Variants in AFAP1L2 observed in about 807,000 individuals in gnomAD.
AFAP1L2 encodes the protein actin filament associated protein 1 like 2.
Under a neutral mutation model 99.3 loss-of-function variants are expected in AFAP1L2, and 46 were observed. The ratio of observed to expected loss-of-function variants is 0.46; its 90% confidence interval spans 0.37 to 0.59. The LOEUF is 0.59. Ranked by LOEUF, AFAP1L2 falls within the 20% of genes least tolerant of loss-of-function variation. The pLI is 0.00. For synonymous variants in AFAP1L2, 397 were observed against 419.1 expected (o/e 0.95, Z 0.64); for missense variants, 959 against 1,034.9 (o/e 0.93, Z 1.01).
the AFAP1L2 span, chr10:114,280,872 G>A: frequency 6.6e-6 from 1 of 152,010 alleles, no homozygotes; most frequent in Non-Finnish European, 1.5e-5. Flanking sequence ...CTAAGTAGTT[G>A]GGACTACAGA....
Position 114,295,098 on chromosome 10 carries a change from T to G in AFAP1L2, c.*944A>C, listed in dbSNP as rs2039995978. 2.0e-6 allele frequency: 2 copies of G among 983,988 alleles called. No homozygotes were observed. Among genetic ancestry groups the G allele is most frequent in the African/African-American group, 3.5e-5 (2 of 56,722 alleles). 61.0% of individuals were successfully genotyped at this position (983,988 alleles called of 1,614,324 possible). ...AGCACTGCCAATTTTAAGAGGGCGA[T>G]CACCCTAACCAAAAATCACCACTTT... On this transcript the variant is annotated 3_prime_UTR_variant, in exon 19 of 19. Coordinates refer to ENST00000304129, the MANE Select transcript of AFAP1L2 (RefSeq NM_001001936.3).
intron 1 of AFAP1L2, among the ~76,000 whole-genome samples, chr10:114,361,289 G>C (rs2052373092): frequency 6.6e-6 from 1 of 152,126 alleles, no homozygotes; most frequent in South Asian, 2.1e-4. Context: ...TCTTCTGGTG[G>C]AATCACAGGA....
chr10:114,390,670 G>A (rs547606408), intron 1 of AFAP1L2, among the ~76,000 whole-genome samples: 71 of 143,304 alleles, frequency 5.0e-4, no homozygotes, highest in African/African-American at 1.8e-3. Context: ...GCAGTGACCC[G>A]AGATCACGCC....
chr10:114,333,537 T>TA (rs1447787507), intron 2 of AFAP1L2, among the ~76,000 whole-genome samples: 1 of 152,124 alleles, frequency 6.6e-6, no homozygotes, highest in Non-Finnish European at 1.5e-5. Flanking sequence ...GCAGGTAAGA[T>TA]ACAGAAGGAT....
intron 4 of AFAP1L2, among the ~76,000 whole-genome samples, chr10:114,324,604 G>C (rs964167969): frequency 3.9e-5 from 6 of 152,266 alleles, no homozygotes; most frequent in Non-Finnish European, 7.3e-5. Flanking sequence ...GTTCACAACA[G>C]AAGTGGCAGA....
chr10:114,349,555 G>GAAAAAAAAA (rs200302338), intron 1 of AFAP1L2, among the ~76,000 whole-genome samples: 1 of 123,782 alleles, frequency 8.1e-6, no homozygotes, highest in Non-Finnish European at 1.6e-5. Context: ...TTGTCGCTTG[G>GAAAAAAAAA]AAAAAAAAAA....
chr10:114,404,707 A>G (rs2058563456), upstream of AFAP1L2: 3 of 390,580 alleles, frequency 7.7e-6, no homozygotes, highest in Non-Finnish European at 1.3e-5. Flanking sequence ...TCGGCTCTTG[A>G]GTCGGTGCGC....
At chr10:114,317,216 C>G (rs1266395562) in intron 5 of AFAP1L2, among the ~76,000 whole-genome samples, 1 of 121,826 alleles carries the variant, frequency 8.2e-6, no homozygotes, top group Admixed American at 8.4e-5. Flanking sequence ...TGGGATGAGG[C>G]CTCTGCAATA....
At position 114,395,642 on chromosome 10, in the gene AFAP1L2, A is replaced by G. The variant is rs1360239941; in HGVS notation, c.16+8798T>C. Among the ~76,000 whole-genome samples, 4 of 152,264 alleles carry G rather than the reference A, an allele frequency of 2.6e-5. No homozygotes were observed. The East Asian group carries it at 7.7e-4, about 29-fold the overall frequency. The stretch of plus-strand genomic sequence containing the variant: ...GAAAAAAACGGGGGGTGGAGGATGG[A>G]AGGAAATGGCAGGATTCCCACTTGT... On this transcript the variant is annotated intron_variant, in intron 1 of 18. Transcript: ENST00000304129.
downstream of AFAP1L2, chr10:114,290,029 A>T: frequency 2.0e-6 from 1 of 488,726 alleles, no homozygotes; most frequent in Non-Finnish European, 3.5e-6. Context: ...TGTGTATGGC[A>T]CGTCTGAGCA....
chr10:114,346,336 G>A (rs543985733), intron 1 of AFAP1L2, among the ~76,000 whole-genome samples: 1 of 152,294 alleles, frequency 6.6e-6, no homozygotes, highest in Non-Finnish European at 1.5e-5. Context: ...GTCTGGGTGT[G>A]TGTCTATCTC....
intron 6 of AFAP1L2, among the ~76,000 whole-genome samples, chr10:114,315,063 C>A (rs12777027): frequency 0.056 from 8,486 of 152,260 alleles, 321 homozygotes; most frequent in Non-Finnish European, 0.085. Flanking sequence ...ATCACTTGAA[C>A]CCAGGAGGTG....
Position 114,333,159 on chromosome 10 carries a change from T to A in AFAP1L2, c.220+62A>T, listed in dbSNP as rs533517670. ...GAAAGAGAGGTGGGACAGAACCAGC[T>A]TGGACCTTCCCCCATCCCAGGAGTG... On this transcript the variant is annotated intron_variant, in intron 3 of 18. Transcript: ENST00000304129. The A allele has an allele frequency of 3.4e-6, 5 of 1,471,750 alleles. No homozygotes were observed. The African/African-American group carries it at 7.0e-5, about 20-fold the overall frequency. 91.2% of individuals were successfully genotyped at this position (1,471,750 alleles called of 1,614,324 possible). A position where few individuals can be genotyped will look rare whatever the true frequency, so the allele number is the denominator to read the frequency against.
intron 1 of AFAP1L2, among the ~76,000 whole-genome samples, chr10:114,389,751 G>C (rs2056917736): frequency 6.6e-6 from 1 of 152,222 alleles, no homozygotes; most frequent in South Asian, 2.1e-4. Context: ...GCAAGCTTTA[G>C]AGTCAAACGT....
intron 1 of AFAP1L2, among the ~76,000 whole-genome samples, chr10:114,382,804 A>G (rs186233502): frequency 5.9e-5 from 9 of 152,038 alleles, no homozygotes; most frequent in African/African-American, 2.2e-4. Context: ...CATGTTGGTT[A>G]GGCTGGTCTC....
chr10:114,282,501 T>G, the AFAP1L2 span: 1 of 1,612,656 alleles, frequency 6.2e-7, no homozygotes, highest in South Asian at 1.1e-5. Context: ...ATAATTCTGT[T>G]TCCTTGGATT....
chr10:114,379,676 G>A (rs1235327307), intron 1 of AFAP1L2, among the ~76,000 whole-genome samples: 3 of 152,172 alleles, frequency 2.0e-5, no homozygotes, highest in African/African-American at 7.2e-5. Flanking sequence ...TCCTTTTGAG[G>A]TTTTATGTTC....
chr10:114,402,048 T>A (rs188152786), intron 1 of AFAP1L2, among the ~76,000 whole-genome samples: 58 of 152,312 alleles, frequency 3.8e-4, no homozygotes, highest in African/African-American at 1.1e-3. Flanking sequence ...TTAAAAAGTG[T>A]CACACACAAT....
intron 16 of AFAP1L2, 149 bp downstream of exon 16, chr10:114,299,111 A>C: frequency 4.7e-6 from 4 of 846,200 alleles, no homozygotes; most frequent in Non-Finnish European, 7.5e-6. Flanking sequence ...AAGAAAGGAC[A>C]CACAAGGGAG....
Sources: gnomAD v4.1 joint callset for allele counts (sites outside exome capture counted in the v4.1 genomes callset) on GRCh38, gnomAD v4.1.1 for gene constraint, MANE v1.5 for transcripts, NCBI Gene and HGNC (gene_info 2026-07-23, HGNC 2026-07-21) for gene names.